Variants in MTSS2 observed in about 807,000 individuals in gnomAD.
MTSS2 encodes the protein MTSS I-BAR domain containing 2, also known as protein MTSS 2.
Under a neutral mutation model 67.1 loss-of-function variants are expected in MTSS2, and 27 were observed. The ratio of observed to expected loss-of-function variants is 0.40; its 90% CI spans 0.30 to 0.55. The LOEUF (loss-of-function observed/expected upper bound fraction) is 0.55. Ranked by LOEUF, MTSS2 falls within the 20% of genes least tolerant of loss-of-function variation. The pLI is 0.43. For synonymous variants in MTSS2, 624 were observed against 468.6 expected (o/e 1.33, Z -4.28); for missense variants, 1,171 against 1,067.8 (o/e 1.10, Z -1.35).
At position 70,679,668 on chromosome 16, in the gene MTSS2, G is replaced by A. The variant is rs1347081532; in HGVS notation, c.419C>T (p.Ser140Leu). 2 of 1,610,878 alleles carry A rather than the reference G, an allele frequency of 1.2e-6. No individual in the cohort carries two copies. Among genetic ancestry groups the A allele is most frequent in the South Asian group, 1.1e-5 (1 of 90,384 alleles). Reference protein sequence around the residue: ...KRARHEIKKKSSDTLKLQKKA... With the variant: ...KRARHEIKKKLSDTLKLQKKA... The stretch of plus-strand genomic sequence containing the variant: ...CTTCTGCAGCTTCAGCGTGTCCGAC[G>A]ACTTCTTTTTGATCTCATGCCGGGC... The change falls in exon 6 of 15, where the codon TCG becomes TTG. Residue 140 changes from serine (S) to leucine (L), a missense_variant. By Grantham distance (145) the Ser-to-Leu change is moderately radical. Around this residue, in one of 2 missense-constraint regions of MTSS2, gnomAD observed 247 missense variants for 311.8 expected, o/e 0.79. Coordinates refer to ENST00000338779, the MANE Select transcript of MTSS2 (RefSeq NM_138383.3).
chr16:70,680,918 G>GGGGGGGGGGGGGGGGGGGGGGGCCCCC, intron 2 of MTSS2, 46 bp downstream of exon 2: 2 of 1,097,892 alleles, frequency 1.8e-6, no homozygotes, highest in Non-Finnish European at 2.7e-6. Context: ...CGGGGGGGGG[G>GGGGGGGGGGGGGGGGGGGGGGGCCCCC]CCTCTGCCTG....
chr16:70,678,303 G>C lies in MTSS2; in HGVS notation c.573C>G (p.Ile191Met), dbSNP rs3813907. 12 of 1,612,442 alleles carry C rather than the reference G, an allele frequency of 7.4e-6. No homozygotes were observed. The East Asian group carries it at 2.7e-4, about 36-fold the overall frequency. Residue 191 changes from isoleucine to methionine, a missense_variant, in exon 8 of 15, where the codon ATC becomes ATG. By Grantham distance (10) the Ile-to-Met change is conservative. Around this residue, in one of 2 missense-constraint regions of MTSS2, gnomAD observed 247 missense variants for 311.8 expected, o/e 0.79. Transcript: ENST00000338779. ...AGGTGCAGAAGCGGCCCCGCTCCTC[G>C]ATCAGCGCCCGGCGCACGGCCTGCT... Reference protein sequence around the residue: ...TEKQAVRRALIEERGRFCTFI... With the variant: ...TEKQAVRRALMEERGRFCTFI...
In MTSS2 at chr16:70,666,384, C is replaced by A. The variant is rs1292215580; in HGVS notation, c.1054-844G>T. 2.0e-5 allele frequency among the ~76,000 whole-genome samples: 3 copies of A among 152,326 alleles called. No individual in the cohort carries two copies. In the East Asian group the frequency reaches 5.8e-4, roughly 29 times the overall value. ...GGACTAGGTGTTCTGCGAGGCCCCCCACTCCTAAACAACTACAAAGAATAA... is the reference window on the plus strand; with the variant it reads ...GGACTAGGTGTTCTGCGAGGCCCCCAACTCCTAAACAACTACAAAGAATAA... On this transcript the variant is annotated intron_variant, in intron 11 of 14. Transcript: ENST00000338779.
At chr16:70,679,427 C>T (rs2053226129) in intron 6 of MTSS2, 104 bp from the exon 7 acceptor site, 1 of 1,401,340 alleles carries the variant, frequency 7.1e-7, no homozygotes, top group Non-Finnish European at 1.0e-6. Context: ...GTGCCTGGGC[C>T]TCCTGCTGCC....
chr16:70,674,995 C>G (rs1346765068), intron 10 of MTSS2, among the ~76,000 whole-genome samples: 1 of 152,118 alleles, frequency 6.6e-6, no homozygotes, highest in East Asian at 1.9e-4. Context: ...TGCCTGTAAT[C>G]TCAGCTACTT....
At chr16:70,678,161 G>C in intron 8 of MTSS2, 91 bp downstream of exon 8, 1 of 1,463,684 alleles carries the variant, frequency 6.8e-7, no homozygotes, top group African/African-American at 1.4e-5. Flanking sequence ...CCCCAGCCAG[G>C]GACTGCTGAG....
At chr16:70,669,592 G>T (rs2052849812) in intron 11 of MTSS2, among the ~76,000 whole-genome samples, 1 of 152,136 alleles carries the variant, frequency 6.6e-6, no homozygotes, top group African/African-American at 2.4e-5. Context: ...AAGGCGGGCG[G>T]ATTACCTGAG....
Position 70,674,478 on chromosome 16 carries a change from C to T in MTSS2, c.881G>A (p.Gly294Glu), listed in dbSNP as rs200666822. The change falls in exon 11 of 15, where the codon GGG becomes GAG. Residue 294 changes from glycine to glutamate, a missense_variant. This residue lies in a region of MTSS2 where 924 missense variants were observed against 756.0 expected (regional missense o/e 1.22). Transcript: ENST00000338779. The part of the protein sequence containing the change: ...SAKGGGAPWP[G>E]GAQTYSPSST... ...ACTGGGTGAGTATGTTTGGGCACCCCCAGGCCATGGGGCTCCGCCACCCTT... is the reference window on the plus strand; with the variant it reads ...ACTGGGTGAGTATGTTTGGGCACCCTCAGGCCATGGGGCTCCGCCACCCTT... 1.8e-4 allele frequency: 294 copies of T among 1,614,038 alleles called. 3 individuals carry two copies. In the Middle Eastern group the frequency reaches 2.2e-3, roughly 12 times the overall value.
At position 70,663,385 on chromosome 16, in the gene MTSS2, T is replaced by C; in HGVS notation, c.*292A>G. On this transcript the variant is annotated 3_prime_UTR_variant, in exon 15 of 15. Coordinates refer to ENST00000338779, the MANE Select transcript of MTSS2 (RefSeq NM_138383.3). ...GGGCAGCGGCCCTGGCTCTGGTGCT[T>C]ATGGGTAGGGAAGAGGCAGGGCCCC... 2 of 415,160 alleles carry C rather than the reference T, an allele frequency of 4.8e-6. No individual in the cohort carries two copies. The highest frequency in any genetic ancestry group is 8.5e-6 in the Non-Finnish European group (2 of 236,660). The allele number at this position is 415,160 out of a possible 1,614,324, so 25.7% of individuals were successfully genotyped here.
At chr16:70,685,626 G>A in intron 1 of MTSS2, 97 bp downstream of exon 1, 1 of 686,936 alleles carries the variant, frequency 1.5e-6, no homozygotes, top group Non-Finnish European at 1.9e-6. Context: ...AGACACCGCG[G>A]CGCGCGGCCA....
rs1404277334 is a variant in MTSS2, at chr16:70,663,549, A to G, written c.*128T>C. ...GAATCCAAGTGAGGTGTCTTTCCAT[A>G]AAGTGGCATGGCCTCTGCCCTGGCT... On this transcript the variant is annotated 3_prime_UTR_variant, in exon 15 of 15. Transcript: ENST00000338779. 3 of 1,409,382 alleles carry G rather than the reference A, an allele frequency of 2.1e-6. No individual in the cohort carries two copies. The highest frequency in any genetic ancestry group is 2.8e-6 in the Non-Finnish European group (3 of 1,078,286). The allele number at this position is 1,409,382 out of a possible 1,614,324, so 87.3% of individuals were successfully genotyped here.
At position 70,679,673 on chromosome 16, in the gene MTSS2, C is replaced by T; in HGVS notation, c.414G>A (p.Lys138=). ...EYKRARHEIK[K]KSSDTLKLQK... ...GCAGCTTCAGCGTGTCCGACGACTT[C>T]TTTTTGATCTCATGCCGGGCTCGTT... Residue 138 remains lysine, a synonymous_variant, in exon 6 of 15, where the codon AAG becomes AAA. Transcript: ENST00000338779. The T allele has an allele frequency of 6.2e-7, 1 of 1,611,246 alleles. No individual in the cohort carries two copies. Among genetic ancestry groups the T allele is most frequent in the Non-Finnish European group, 8.5e-7 (1 of 1,178,892 alleles).
intron 10 of MTSS2, 41 bp downstream of exon 10, chr16:70,676,840 A>G (rs377530542): frequency 4.3e-5 from 68 of 1,566,522 alleles, no homozygotes; most frequent in Non-Finnish European, 5.5e-5. Context: ...TCCTCTTGGG[A>G]TACCGCCCCC....
At position 70,679,695 on chromosome 16, in the gene MTSS2, C is replaced by A. The variant is rs775149675; in HGVS notation, c.392G>T (p.Arg131Leu). 3.3e-5 allele frequency: 53 copies of A among 1,611,402 alleles called. No homozygotes were observed. Among genetic ancestry groups the A allele is most frequent in the Non-Finnish European group, 4.3e-5 (51 of 1,178,968 alleles). The change falls in exon 6 of 15, where the codon CGA becomes CTA. Residue 131 changes from arginine (R) to leucine (L), a missense_variant. Arg to Leu is a moderately radical substitution (Grantham distance 102). Coordinates refer to ENST00000338779, the MANE Select transcript of MTSS2 (RefSeq NM_138383.3). The stretch of plus-strand genomic sequence containing the variant: ...CTTCTTTTTGATCTCATGCCGGGCT[C>A]GTTTGTACTCTGCAGAAGGGGAGAG... ...LDKDHAKEYK[R>L]ARHEIKKKSS...
chr16:70,679,394 AC>A, intron 6 of MTSS2, 71 bp from the exon 7 acceptor site: 1 of 1,586,668 alleles, frequency 6.3e-7, no homozygotes, highest in African/African-American at 1.3e-5. Context: ...CGCCGGATGG[AC>A]AGAGCCACTC....
intron 1 of MTSS2, among the ~76,000 whole-genome samples, chr16:70,683,530 T>C (rs2053363313): frequency 6.6e-6 from 1 of 152,172 alleles, no homozygotes; most frequent in Non-Finnish European, 1.5e-5. Context: ...CAGCACTGGG[T>C]GGAGGCCCCA....
At chr16:70,671,003 G>C (rs989684443) in intron 11 of MTSS2, among the ~76,000 whole-genome samples, 3 of 136,790 alleles carry the variant, frequency 2.2e-5, no homozygotes, top group African/African-American at 5.4e-5. Flanking sequence ...AAAGTCAAAA[G>C]TAGTCAGGAT....
In MTSS2 at chr16:70,663,809, C is replaced by T. The variant is rs755634566; in HGVS notation, c.2112G>A (p.Thr704=). Residue 704 remains threonine (T), a synonymous_variant, in exon 15 of 15, where the codon ACG becomes ACA. Transcript: ENST00000338779. The stretch of plus-strand genomic sequence containing the variant: ...CTGGGGGTGGGGTGGGCGTCTCCTC[C>T]GTGGGGGTGGCCGACAGAGCAGTGG... ...PFPTALSATP[T]EETPTPPPAA... 5.4e-5 allele frequency: 83 copies of T among 1,529,570 alleles called. No homozygotes were observed. The highest frequency in any genetic ancestry group is 2.2e-4 in the Middle Eastern group (1 of 4,560). The allele number at this position is 1,529,570 out of a possible 1,614,324, so 94.7% of individuals were successfully genotyped here.
In MTSS2 at chr16:70,674,451, G is replaced by A. The variant is rs2053047211; in HGVS notation, c.908C>T (p.Ser303Phe). ...CGCCAGGCTGCGGTAGCGACAGGTG[G>A]AACTGGGTGAGTATGTTTGGGCACC... is the stretch of plus-strand genomic sequence containing the variant. ...PGGAQTYSPS[S>F]TCRYRSLAQP... Residue 303 changes from serine (S) to phenylalanine (F), a missense_variant, in exon 11 of 15, where the codon TCC becomes TTC. Physicochemically the swap from Ser to Phe is radical, Grantham distance 155. Transcript: ENST00000338779. 1 of 1,614,076 alleles carries A rather than the reference G, an allele frequency of 6.2e-7. No homozygotes were observed. The highest frequency in any genetic ancestry group is 1.3e-5 in the African/African-American group (1 of 74,952).
Sources: gnomAD v4.1 joint callset for allele counts (sites outside exome capture counted in the v4.1 genomes callset) on GRCh38, gnomAD v4.1.1 for gene constraint, gnomAD v4.1.1 regional missense constraint, MANE v1.5 for transcripts, NCBI Gene and HGNC (gene_info 2026-07-23, HGNC 2026-07-21) for gene names.